Variants in MAVS observed in about 807,000 individuals in gnomAD.
MAVS encodes mitochondrial antiviral-signaling protein.
Under a neutral mutation model 30.2 loss-of-function variants are expected in MAVS, and 20 were observed. The observed-to-expected ratio is 0.66, with a 90% confidence interval of 0.47 to 0.96. MAVS has a LOEUF of 0.96. Among genes scored for constraint, MAVS ranks in the 40% least tolerant of loss-of-function variants. The pLI is 0.00. For missense variants in MAVS, 624 were observed against 701.1 expected (o/e 0.89, Z 1.24); for synonymous variants, 278 against 293.9 (o/e 0.95, Z 0.55).
At position 3,865,592 on chromosome 20, in the gene MAVS, G is replaced by T. The variant is rs963151721; in HGVS notation, c.1159-91G>T. 1.6e-6 allele frequency: 2 copies of T among 1,230,234 alleles called. No homozygotes were observed. Among genetic ancestry groups the T allele is most frequent in the Admixed American group, 5.2e-5 (2 of 38,524 alleles). The allele number at this position is 1,230,234 out of a possible 1,614,324, so 76.2% of individuals were successfully genotyped here. A position where few individuals can be genotyped will look rare whatever the true frequency, so the allele number is the denominator to read the frequency against. On this transcript the variant is annotated intron_variant, in intron 6 of 6. Coordinates refer to ENST00000428216, the MANE Select transcript of MAVS (RefSeq NM_020746.5). This position sits in a 1 kb window ranked among gnomAD's most constrained non-coding sequence, Gnocchi z 4.7. Reference sequence around the variant, plus strand: ...TGGGAATTGAGGGGTTGGAGTGTTAGTTCATGCCCTGGCCTGGGAATGGGA... The same window carrying T: ...TGGGAATTGAGGGGTTGGAGTGTTATTTCATGCCCTGGCCTGGGAATGGGA...
chr20:3,858,389 A>G (rs908991289), intron 3 of MAVS, among the ~76,000 whole-genome samples: 6 of 152,112 alleles, frequency 3.9e-5, no homozygotes, highest in African/African-American at 1.4e-4. Flanking sequence ...AGATCAAGAC[A>G]TGGGAGGAGG....
In MAVS at chr20:3,849,377, G is replaced by C. The variant is rs1228877146; in HGVS notation, c.-68+2474G>C. On this transcript the variant is annotated intron_variant, in intron 1 of 6. Coordinates refer to ENST00000428216, the MANE Select transcript of MAVS (RefSeq NM_020746.5). ...GGCGCCCACCACCATGCTAATTTTTGTATTTTTAGTAGAGAAAGGGTTTCA... is the reference window on the plus strand; with the variant it reads ...GGCGCCCACCACCATGCTAATTTTTCTATTTTTAGTAGAGAAAGGGTTTCA... Among the ~76,000 whole-genome samples the C allele has an allele frequency of 2.0e-5, 3 of 152,062 alleles. 1 individual carries two copies. In the South Asian group the frequency reaches 6.2e-4, roughly 32 times the overall value.
chr20:3,857,592 G>T, intron 2 of MAVS, 43 bp from the exon 3 acceptor site: 1 of 1,564,610 alleles, frequency 6.4e-7, no homozygotes, highest in African/African-American at 1.3e-5. Flanking sequence ...GAAGTGGCAG[G>T]GGCCACCTGG....
Position 3,874,965 on chromosome 20 carries a change from G to A in MAVS, c.*8818G>A, listed in dbSNP as rs2089980816. 1 of 152,366 alleles carries A rather than the reference G, an allele frequency of 6.6e-6. No individual in the cohort carries two copies. The highest frequency in any genetic ancestry group is 1.9e-4 in the East Asian group (1 of 5,332). 9.4% of individuals were successfully genotyped at this position (152,366 alleles called of 1,614,324 possible). A position where few individuals can be genotyped will look rare whatever the true frequency, so the allele number is the denominator to read the frequency against. ...CAATGGCTAGAGGGCTCTGCTCCAAGTCATTGCTTACTACACCCACAAACA... is the reference window on the plus strand; with the variant it reads ...CAATGGCTAGAGGGCTCTGCTCCAAATCATTGCTTACTACACCCACAAACA... On this transcript the variant is annotated 3_prime_UTR_variant, in exon 7 of 7. Coordinates refer to ENST00000428216, the MANE Select transcript of MAVS (RefSeq NM_020746.5).
At position 3,865,692 on chromosome 20, in the gene MAVS, G is replaced by A; in HGVS notation, c.1168G>A (p.Ala390Thr). The A allele has an allele frequency of 6.2e-7, 1 of 1,603,740 alleles. No homozygotes were observed. The highest frequency in any genetic ancestry group is 8.5e-7 in the Non-Finnish European group (1 of 1,174,156). The change falls in exon 7 of 7, where the codon GCA becomes ACA. Residue 390 changes from alanine (A) to threonine (T), a missense_variant. Coordinates refer to ENST00000428216, the MANE Select transcript of MAVS (RefSeq NM_020746.5). The surrounding 1 kb of genome is among the most constrained non-coding windows in gnomAD (Gnocchi z 4.7). ...CTCCTTTCTTTCCCAGGAGACCCCA[G>A]CAGCTCCAACACCCGCCGGCGCCAC... Reference protein sequence around the residue: ...DGSSRNEETPAAPTPAGATGG... With the variant: ...DGSSRNEETPTAPTPAGATGG...
chr20:3,864,879 G>C, intron 6 of MAVS, 91 bp downstream of exon 6: 2 of 1,483,750 alleles, frequency 1.3e-6, no homozygotes, highest in South Asian at 2.5e-5. Context: ...TTCCCAGTCT[G>C]CATTCTGTGT....
rs1464562261 is a variant in MAVS at position 3,871,500 on chromosome 20, T to C, written c.*5353T>C. On this transcript the variant is annotated 3_prime_UTR_variant, in exon 7 of 7. Coordinates refer to ENST00000428216, the MANE Select transcript of MAVS (RefSeq NM_020746.5). ...GATGATGAATGATGGGTGTGTCCAG[T>C]GGCAGTTTGCCCCACTGAGGCAGGG... 1 of 152,628 alleles carries C rather than the reference T, an allele frequency of 6.6e-6. No homozygotes were observed. The highest frequency in any genetic ancestry group is 1.5e-5 in the Non-Finnish European group (1 of 68,062). The allele number at this position is 152,628 out of a possible 1,614,324, so 9.5% of individuals were successfully genotyped here.
Position 3,865,937 on chromosome 20 carries a change from T to G in MAVS, c.1413T>G (p.Ala471=), listed in dbSNP as rs2089904011. ...KSEGTFGIHV[A]ENPSIQLLEG... Reference sequence around the variant, plus strand: ...AGGGCACCTTTGGGATCCACGTGGCTGAGAACCCCAGCATCCAGCTCCTGG... The same window carrying G: ...AGGGCACCTTTGGGATCCACGTGGCGGAGAACCCCAGCATCCAGCTCCTGG... Residue 471 remains alanine (A), a synonymous_variant, in exon 7 of 7, where the codon GCT becomes GCG. Transcript: ENST00000428216. This position sits in a 1 kb window ranked among gnomAD's most constrained non-coding sequence, Gnocchi z 4.7. 1.9e-6 allele frequency: 3 copies of G among 1,613,738 alleles called. No individual in the cohort carries two copies. The highest frequency in any genetic ancestry group is 2.5e-6 in the Non-Finnish European group (3 of 1,179,884).
chr20:3,847,891 G>T (rs1285642168), intron 1 of MAVS, among the ~76,000 whole-genome samples: 2 of 152,184 alleles, frequency 1.3e-5, no homozygotes, highest in African/African-American at 4.8e-5. Flanking sequence ...CCCTGTCACG[G>T]GATTGGGGAA....
chr20:3,848,222 C>T (rs1457460520), intron 1 of MAVS, among the ~76,000 whole-genome samples: 1 of 152,102 alleles, frequency 6.6e-6, no homozygotes, highest in African/African-American at 2.4e-5. Context: ...CCTCAGCCTC[C>T]TGAGTAGCTG....
At chr20:3,863,390 G>T (rs1462296678) in intron 5 of MAVS, among the ~76,000 whole-genome samples, 2 of 152,182 alleles carry the variant, frequency 1.3e-5, no homozygotes, top group African/African-American at 4.8e-5. Context: ...GCAGTTAGAG[G>T]CTGGGAGACG....
At position 3,862,347 on chromosome 20, in the gene MAVS, C is replaced by T; in HGVS notation, c.559C>T (p.Leu187Phe). 3 of 1,614,158 alleles carry T rather than the reference C, an allele frequency of 1.9e-6. No individual in the cohort carries two copies. The highest frequency in any genetic ancestry group is 2.5e-6 in the Non-Finnish European group (3 of 1,180,032). ...GGAGTCCTCCTCTGACCTGGCAGCCCTCAGCCCTCTGACCTCCAGCGGGCA... is the reference window on the plus strand; with the variant it reads ...GGAGTCCTCCTCTGACCTGGCAGCCTTCAGCCCTCTGACCTCCAGCGGGCA... ...PLESSSDLAA[L>F]SPLTSSGHQE... The change falls in exon 5 of 7, where the codon CTC becomes TTC. Residue 187 changes from leucine to phenylalanine, a missense_variant. By Grantham distance (22) the Leu-to-Phe change is conservative. Coordinates refer to ENST00000428216, the MANE Select transcript of MAVS (RefSeq NM_020746.5).
rs946390493 is a variant in MAVS, at chr20:3,867,455, A to C, written c.*1308A>C. 5.4e-6 allele frequency: 1 copy of C among 184,836 alleles called. No homozygotes were observed. Among genetic ancestry groups the C allele is most frequent in the Admixed American group, 5.4e-5 (1 of 18,488 alleles). The allele number at this position is 184,836 out of a possible 1,614,324, so 11.4% of individuals were successfully genotyped here. On this transcript the variant is annotated 3_prime_UTR_variant, in exon 7 of 7. Transcript: ENST00000428216. ...TACAAAAAAGTTTAAAAAATTAGCCAGGCGTGGTGGTGCACCTGTCGTCTT... is the reference window on the plus strand; with the variant it reads ...TACAAAAAAGTTTAAAAAATTAGCCCGGCGTGGTGGTGCACCTGTCGTCTT...
At chr20:3,847,803 C>T (rs2089721533) in intron 1 of MAVS, among the ~76,000 whole-genome samples, 1 of 152,142 alleles carries the variant, frequency 6.6e-6, no homozygotes. Flanking sequence ...GGTGTATGAC[C>T]AGTTGCAGTG....
intron 1 of MAVS, among the ~76,000 whole-genome samples, chr20:3,853,254 A>G (rs1274529804): frequency 6.6e-6 from 1 of 150,456 alleles, no homozygotes; most frequent in Non-Finnish European, 1.5e-5. Context: ...TGGGAGGCCG[A>G]GGCGGGCGCA....
At position 3,866,133 on chromosome 20, in the gene MAVS, C is replaced by A. The variant is rs143155710; in HGVS notation, c.1609C>A (p.Arg537=). Residue 537 remains arginine, a synonymous_variant, in exon 7 of 7, where the codon CGG becomes AGG. Transcript: ENST00000428216. ...VVTLLVVLYR[R]RLH ...CACACTCCTGGTGGTGCTGTACCGG[C>A]GGCGTCTGCACTAGTGAAGCCCTGG... 4.0e-4 allele frequency: 631 copies of A among 1,591,656 alleles called. No homozygotes were observed. The highest frequency in any genetic ancestry group is 5.0e-4 in the Non-Finnish European group (584 of 1,171,034).
At chr20:3,860,739 C>T (rs1301399346) in intron 3 of MAVS, among the ~76,000 whole-genome samples, 13 of 151,598 alleles carry the variant, frequency 8.6e-5, no homozygotes, top group South Asian at 6.3e-4. Flanking sequence ...TGCAGTGGCG[C>T]GATCTCAGCT....
chr20:3,855,634 C>A (rs1046037773), intron 2 of MAVS, among the ~76,000 whole-genome samples: 1 of 152,150 alleles, frequency 6.6e-6, no homozygotes, highest in Non-Finnish European at 1.5e-5. Flanking sequence ...TTCTCAGGAG[C>A]CCCATTGTTG....
chr20:3,863,563 G>A lies in MAVS; in HGVS notation c.626-693G>A, dbSNP rs2089882464. On this transcript the variant is annotated intron_variant, in intron 5 of 6. Coordinates refer to ENST00000428216, the MANE Select transcript of MAVS (RefSeq NM_020746.5). ...GACACAGGTCCCATGAGATTCTGTG[G>A]TATTAGATTGTGGTGGGGGAGCTGT... Among the ~76,000 whole-genome samples the A allele has an allele frequency of 2.0e-5, 3 of 152,286 alleles. No homozygotes were observed. The South Asian group carries it at 6.2e-4, about 32-fold the overall frequency.
Sources: allele counts gnomAD v4.1 joint callset (sites outside exome capture counted in the v4.1 genomes callset), GRCh38; gene constraint gnomAD v4.1.1; non-coding constraint Gnocchi (gnomAD v3.1); transcripts MANE v1.5; gene names NCBI Gene and HGNC (gene_info 2026-07-23, HGNC 2026-07-21).